Variants in UTP4 observed in about 807,000 individuals in gnomAD.
UTP4 encodes U3 small nucleolar RNA-associated protein 4 homolog.
Under a neutral mutation model 82.4 loss-of-function variants are expected in UTP4, and 45 were observed. The ratio of observed to expected loss-of-function variants is 0.55; its 90% CI spans 0.43 to 0.70. The LOEUF (loss-of-function observed/expected upper bound fraction) is 0.70, where lower values mean the gene tolerates loss of function less well. Among genes scored for constraint, UTP4 ranks in the 30% least tolerant of loss-of-function variants. The pLI is 0.00. For synonymous variants in UTP4, 348 were observed against 300.3 expected, an observed-to-expected ratio of 1.16 and a Z score of -1.64; for missense variants, 819 against 858.3, an observed-to-expected ratio of 0.95 and a Z score of 0.57.
chr16:69,157,561 G>A (rs1963452863), intron 12 of UTP4, among the ~76,000 whole-genome samples: 1 of 152,130 alleles, frequency 6.6e-6, no homozygotes. Flanking sequence ...CCCAGAAATA[G>A]CTACCATTAA....
At chr16:69,148,655 C>T (rs1051949623) in intron 6 of UTP4, among the ~76,000 whole-genome samples, 3 of 151,262 alleles carry the variant, frequency 2.0e-5, no homozygotes, top group Non-Finnish European at 4.4e-5. Context: ...CTCTGTCACC[C>T]AGGTGGAGTG....
chr16:69,163,888 T>C (rs1032817527), intron 14 of UTP4, among the ~76,000 whole-genome samples: 1 of 139,884 alleles, frequency 7.1e-6, no homozygotes, highest in African/African-American at 2.6e-5. Context: ...CAGTTTGTTT[T>C]TTTTTTTTTT....
intron 1 of UTP4, among the ~76,000 whole-genome samples, chr16:69,133,237 T>G (rs529898774): frequency 6.6e-6 from 1 of 151,932 alleles, no homozygotes; most frequent in Non-Finnish European, 1.5e-5. Flanking sequence ...TAGGACCCTT[T>G]TTGATTTTTT....
chr16:69,141,163 C>G (rs565806480), intron 5 of UTP4, among the ~76,000 whole-genome samples: 1 of 152,300 alleles, frequency 6.6e-6, no homozygotes, highest in African/African-American at 2.4e-5. Flanking sequence ...CTCCCGGTGC[C>G]TTCTGACCCA....
At chr16:69,155,041 C>G (rs1484794600) in intron 10 of UTP4, among the ~76,000 whole-genome samples, 4 of 151,784 alleles carry the variant, frequency 2.6e-5, no homozygotes, top group Non-Finnish European at 4.4e-5. Context: ...TTTAAAAACT[C>G]AAATAGTACA....
chr16:69,147,971 C>T (rs7196706), intron 6 of UTP4, among the ~76,000 whole-genome samples: 48,025 of 151,416 alleles, frequency 0.32, 8,197 homozygotes, highest in African/African-American at 0.45. Context: ...TTTTGTTTTT[C>T]GAGACGGAAT....
rs576207655 is a variant in UTP4, at chr16:69,146,528, G to A, written c.738+3139G>A. Among the ~76,000 whole-genome samples the A allele has an allele frequency of 7.2e-5, 11 of 152,298 alleles. No homozygotes were observed. The South Asian group carries it at 2.3e-3, about 32-fold the overall frequency. On this transcript the variant is annotated intron_variant, in intron 6 of 16. Transcript: ENST00000314423. ...TCTGTTTATCCATTCATCTATTAGT[G>A]GACGTTTGGGTTGTTTCCATCTTTC...
Position 69,133,624 on chromosome 16 carries a change from T to C in UTP4, c.159+6T>C. On this transcript the variant is annotated splice_donor_region_variant and intron_variant, in intron 2 of 16. Transcript: ENST00000314423. The stretch of plus-strand genomic sequence containing the variant: ...CAAACTACTTTCAGGAGAAAGTAAG[T>C]CATTTGGGAGTCTGATATGGTGTTT... The C allele has an allele frequency of 1.9e-6, 3 of 1,613,864 alleles. No individual in the cohort carries two copies. Among genetic ancestry groups the C allele is most frequent in the Non-Finnish European group, 2.5e-6 (3 of 1,179,800 alleles).
At chr16:69,162,052 C>T (rs983886458) in intron 13 of UTP4, among the ~76,000 whole-genome samples, 1 of 151,672 alleles carries the variant, frequency 6.6e-6, no homozygotes, top group Non-Finnish European at 1.5e-5. Context: ...ACTGCAACCT[C>T]CGCCTCCTAG....
chr16:69,138,985 C>G (rs1241171781), intron 4 of UTP4: 1 of 96,066 alleles, frequency 1.0e-5, no homozygotes, highest in Non-Finnish European at 2.0e-5. Context: ...TTTTTTTTTC[C>G]TGAGATGGAG....
intron 13 of UTP4, among the ~76,000 whole-genome samples, chr16:69,162,362 G>C (rs1963585214): frequency 1.3e-5 from 2 of 152,018 alleles, no homozygotes; most frequent in Non-Finnish European, 2.9e-5. Context: ...TGGATCATGA[G>C]GTCAGAAGTT....
Position 69,138,358 on chromosome 16 carries a change from C to T in UTP4, c.436+473C>T, listed in dbSNP as rs1196077559. ...CTTCAAGTGATTCTGGTGCCTCAGC[C>T]TCCCAAGTGACTGGGATTCCAGGCA... On this transcript the variant is annotated intron_variant, in intron 4 of 16. Coordinates refer to ENST00000314423, the MANE Select transcript of UTP4 (RefSeq NM_032830.3). 2.0e-5 allele frequency among the ~76,000 whole-genome samples: 3 copies of T among 152,066 alleles called. No individual in the cohort carries two copies. In the South Asian group the frequency reaches 6.2e-4, roughly 32 times the overall value.
At chr16:69,136,984 G>A (rs907886014) in intron 3 of UTP4, 97 bp downstream of exon 3, 4 of 1,039,468 alleles carry the variant, frequency 3.8e-6, no homozygotes, top group Non-Finnish European at 4.6e-6. Context: ...ATATATTATG[G>A]CATGTGGCAA....
At chr16:69,146,860 G>A (rs1403924102) in intron 6 of UTP4, among the ~76,000 whole-genome samples, 3 of 151,580 alleles carry the variant, frequency 2.0e-5, no homozygotes, top group Admixed American at 6.6e-5. Context: ...AAAATTAGCC[G>A]GGTGTGGTGG....
intron 5 of UTP4, among the ~76,000 whole-genome samples, chr16:69,141,236 AT>A (rs1411653011): frequency 3.9e-5 from 6 of 152,044 alleles, no homozygotes; most frequent in Admixed American, 3.3e-4. Context: ...ACTCTGATTG[AT>A]TTTTCCATTG....
At chr16:69,165,251 T>G in intron 14 of UTP4, 90 bp from the exon 15 acceptor site, 1 of 1,144,542 alleles carries the variant, frequency 8.7e-7, no homozygotes, top group Non-Finnish European at 1.3e-6. Flanking sequence ...GTTGAAGCTT[T>G]GTATAGATAC....
rs969381905 is a variant in UTP4, at chr16:69,157,224, T to C, written c.1428T>C (p.Ala476=). Residue 476 remains alanine, a synonymous_variant, in exon 12 of 17, where the codon GCT becomes GCC. Coordinates refer to ENST00000314423, the MANE Select transcript of UTP4 (RefSeq NM_032830.3). The part of the protein sequence containing the change: ...LSGGSFKHLH[A]FQPQSGTVEA... ...GAGGAAGCTTCAAGCACCTGCATGC[T>C]TTCCAGCCTCAGTCAGGTGGGAATC... 9.3e-6 allele frequency: 15 copies of C among 1,614,150 alleles called. No individual in the cohort carries two copies. The highest frequency in any genetic ancestry group is 1.1e-5 in the Non-Finnish European group (13 of 1,180,026).
chr16:69,152,520 A>G lies in UTP4; in HGVS notation c.1003-1064A>G, dbSNP rs139687183. Among the ~76,000 whole-genome samples the G allele has an allele frequency of 2.4e-3, 300 of 122,560 alleles. 1 individual carries two copies. The highest frequency in any genetic ancestry group is 0.013 in the Middle Eastern group (2 of 156). 80.4% of individuals were successfully genotyped at this position (122,560 alleles called of 152,430 possible). ...GCTTTGCTCTTGTTGCCCAGGCTGGAGTGTAGTAGTGAAATCTCGGCTCAC... is the reference window on the plus strand; with the variant it reads ...GCTTTGCTCTTGTTGCCCAGGCTGGGGTGTAGTAGTGAAATCTCGGCTCAC... On this transcript the variant is annotated intron_variant, in intron 8 of 16. Transcript: ENST00000314423.
At chr16:69,154,479 C>A in intron 10 of UTP4, 22 bp downstream of exon 10, 1 of 1,570,532 alleles carries the variant, frequency 6.4e-7, no homozygotes, top group Middle Eastern at 1.7e-4. Flanking sequence ...TGTTTAGGCT[C>A]TGAATTCTAG....
Sources: allele counts gnomAD v4.1 joint callset (sites outside exome capture counted in the v4.1 genomes callset), GRCh38; gene constraint gnomAD v4.1.1; transcripts MANE v1.5; gene names NCBI Gene and HGNC (gene_info 2026-07-23, HGNC 2026-07-21).